Variants in FGF14 observed in about 807,000 individuals in gnomAD.
FGF14 encodes the protein fibroblast growth factor homologous factor 4.
In FGF14, 5 loss-of-function variants were observed where a neutral mutation model predicts 25.5. The observed-to-expected ratio is 0.20, with a 90% CI of 0.10 to 0.41. The LOEUF (loss-of-function observed/expected upper bound fraction) is 0.41. Among genes scored for constraint, FGF14 ranks in the 10% least tolerant of loss-of-function variants. The probability of loss-of-function intolerance (pLI) is 1.00; values close to 1 mark genes in which losing one functional copy is unlikely to be tolerated. For missense variants in FGF14, 222 were observed against 320.1 expected (o/e 0.69, Z 2.34); for synonymous variants, 138 against 118.3 (o/e 1.17, Z -1.08).
intron 1 of FGF14, among the ~76,000 whole-genome samples, chr13:101,899,962 T>G (rs1163411800): frequency 6.6e-6 from 1 of 152,160 alleles, no homozygotes; most frequent in Non-Finnish European, 1.5e-5. Context: ...AAACATACAT[T>G]TTGTTTTCAA....
chr13:101,847,364 G>A (rs2043518336), intron 3 of FGF14, among the ~76,000 whole-genome samples: 1 of 151,970 alleles, frequency 6.6e-6, no homozygotes, highest in Non-Finnish European at 1.5e-5. Context: ...AACTCTGTCT[G>A]CCTCTCTTAT....
At chr13:101,740,438 T>A (rs1038769160) in intron 3 of FGF14, among the ~76,000 whole-genome samples, 2 of 152,112 alleles carry the variant, frequency 1.3e-5, no homozygotes, top group South Asian at 2.1e-4. Context: ...GAAAAAAACA[T>A]AACAGTTGTG....
intron 1 of FGF14, among the ~76,000 whole-genome samples, chr13:102,082,258 T>C (rs1023398021): frequency 1.3e-5 from 2 of 149,308 alleles, no homozygotes; most frequent in Non-Finnish European, 3.0e-5. Flanking sequence ...AAAAACAGTG[T>C]ACTTCAGTTG....
At chr13:101,972,882 G>C (rs376432485) in intron 1 of FGF14, among the ~76,000 whole-genome samples, 2 of 152,126 alleles carry the variant, frequency 1.3e-5, no homozygotes, top group Non-Finnish European at 2.9e-5. Context: ...ATTTTCCTTT[G>C]CTGGGGGAGA....
At chr13:102,172,500 C>CCTGAAT (rs1566779903) in intron 1 of FGF14, among the ~76,000 whole-genome samples, 1 of 152,110 alleles carries the variant, frequency 6.6e-6, no homozygotes, top group Admixed American at 6.6e-5. Context: ...TCCACTCATA[C>CCTGAAT]CTGAATCTGA....
chr13:102,364,689 G>A (rs191745257), intron 1 of FGF14, among the ~76,000 whole-genome samples: 75 of 152,228 alleles, frequency 4.9e-4, no homozygotes, highest in Admixed American at 1.3e-3. Context: ...AAGTCTAAGC[G>A]AGTTTTCAAC....
At chr13:102,316,491 A>G (rs749171604) in intron 1 of FGF14, among the ~76,000 whole-genome samples, 13 of 152,234 alleles carry the variant, frequency 8.5e-5, no homozygotes, top group Non-Finnish European at 1.5e-4. Context: ...AAAAGGGAGG[A>G]TATCTTGCAC....
chr13:101,989,561 C>A (rs138654112), intron 1 of FGF14, among the ~76,000 whole-genome samples: 168 of 152,142 alleles, frequency 1.1e-3, no homozygotes, highest in African/African-American at 3.7e-3. Flanking sequence ...TACAGCAATT[C>A]TTTTAATAAA....
intron 3 of FGF14, among the ~76,000 whole-genome samples, chr13:101,767,107 C>G (rs909192301): frequency 3.9e-5 from 6 of 152,160 alleles, no homozygotes; most frequent in African/African-American, 1.4e-4. Context: ...TCAAAGAAGT[C>G]TGAATTATCG....
At chr13:102,205,354 C>G (rs2049856830) in intron 1 of FGF14, among the ~76,000 whole-genome samples, 1 of 151,714 alleles carries the variant, frequency 6.6e-6, no homozygotes, top group Non-Finnish European at 1.5e-5. Flanking sequence ...AAGGCGCACA[C>G]ACTCAAAAAA....
At chr13:102,383,555 TTCCAG>T (rs1482859277) in intron 1 of FGF14, among the ~76,000 whole-genome samples, 1 of 152,212 alleles carries the variant, frequency 6.6e-6, no homozygotes, top group Non-Finnish European at 1.5e-5. Context: ...TTTGGAAATA[TTCCAG>T]TCCAAATCTA....
At chr13:102,085,685 TA>T (rs2043863246) in intron 1 of FGF14, among the ~76,000 whole-genome samples, 1 of 152,214 alleles carries the variant, frequency 6.6e-6, no homozygotes, top group African/African-American at 2.4e-5. Flanking sequence ...AGAATAAATG[TA>T]CTCAGGTACA....
chr13:102,183,522 G>A (rs2048759326), intron 1 of FGF14, among the ~76,000 whole-genome samples: 1 of 152,150 alleles, frequency 6.6e-6, no homozygotes. Context: ...CTTTCATTCA[G>A]TAATAACAAA....
chr13:101,842,177 T>G (rs1408498637), intron 3 of FGF14, among the ~76,000 whole-genome samples: 1 of 151,922 alleles, frequency 6.6e-6, no homozygotes, highest in East Asian at 1.9e-4. Context: ...TGGTGCCAAA[T>G]TTCTTTTGTC....
chr13:101,802,324 C>A (rs2040921666), intron 3 of FGF14: 2 of 192,534 alleles, frequency 1.0e-5, no homozygotes, highest in South Asian at 9.4e-5. Flanking sequence ...AAGGACGTTG[C>A]TGACAGTAAG....
At chr13:101,987,786 T>C (rs778705963) in intron 1 of FGF14, among the ~76,000 whole-genome samples, 11 of 152,052 alleles carry the variant, frequency 7.2e-5, no homozygotes, top group Non-Finnish European at 1.3e-4. Context: ...CTGTTTTCAT[T>C]ATTAGTCTTA....
chr13:102,099,995 C>T (rs2044584002), intron 1 of FGF14, among the ~76,000 whole-genome samples: 1 of 151,994 alleles, frequency 6.6e-6, no homozygotes, highest in Non-Finnish European at 1.5e-5. Flanking sequence ...TAAATTGAGG[C>T]TTAGACAACT....
chr13:102,393,682 A>G (rs745374426), intron 1 of FGF14: 2 of 152,218 alleles, frequency 1.3e-5, no homozygotes, highest in Admixed American at 1.3e-4. Context: ...ACACAATTCT[A>G]TGAAGCGCAT....
At chr13:102,072,630 TCA>T (rs1254166096) in intron 1 of FGF14, among the ~76,000 whole-genome samples, 7 of 149,706 alleles carry the variant, frequency 4.7e-5, no homozygotes, top group Admixed American at 6.6e-5. Context: ...CTTTTACAAC[TCA>T]TTAATCTTCC....
Sources: gnomAD v4.1 joint callset for allele counts (sites outside exome capture counted in the v4.1 genomes callset) on GRCh38, gnomAD v4.1.1 for gene constraint, MANE v1.5 for transcripts, NCBI Gene and HGNC (gene_info 2026-07-23, HGNC 2026-07-21) for gene names.